Variants in NECTIN3 observed in about 807,000 individuals in gnomAD.
The protein encoded by NECTIN3 is nectin cell adhesion molecule 3.
NECTIN3 carries 8 observed loss-of-function variants against 49.4 expected under a neutral mutation model. That is an observed-to-expected ratio of 0.16 (90% CI 0.10 to 0.29). NECTIN3 has a LOEUF of 0.29. NECTIN3 is among the 10% of genes least tolerant of loss of function. The pLI, the probability that NECTIN3 is intolerant of heterozygous loss-of-function variation, is 1.00. For missense variants in NECTIN3, 581 were observed against 654.6 expected (o/e 0.89, Z 1.23); for synonymous variants, 277 against 241.1 (o/e 1.15, Z -1.38).
intron 1 of NECTIN3, among the ~76,000 whole-genome samples, chr3:111,076,930 T>C (rs2031240611): frequency 6.7e-6 from 1 of 149,738 alleles, no homozygotes; most frequent in African/African-American, 2.5e-5. Context: ...GAACTGTGAC[T>C]GCACCATTGT....
chr3:111,141,454 G>T (rs2034742903), downstream of NECTIN3, among the ~76,000 whole-genome samples: 1 of 151,694 alleles, frequency 6.6e-6, no homozygotes, highest in South Asian at 2.1e-4. Context: ...GTTTTTGAAT[G>T]ATAAAAATAC....
At position 111,136,146 on chromosome 3, in the gene NECTIN3, T is replaced by C; in HGVS notation, c.*1931T>C. 1.0e-6 allele frequency: 1 copy of C among 982,802 alleles called. No individual in the cohort carries two copies. Among genetic ancestry groups the C allele is most frequent in the Non-Finnish European group, 1.2e-6 (1 of 827,728 alleles). 60.9% of individuals were successfully genotyped at this position (982,802 alleles called of 1,614,324 possible). On this transcript the variant is annotated 3_prime_UTR_variant, in exon 6 of 6. Coordinates refer to ENST00000485303, the MANE Select transcript of NECTIN3 (RefSeq NM_015480.3). ...TGAAAGATGTAAAACTATGGCTTTT[T>C]TTAAAATCAAAATTTCATCTTTTAA...
Position 111,118,927 on chromosome 3 carries a change from A to G in NECTIN3, c.774A>G (p.Arg258=). ...VKHPALEKDI[R]YSFILDIQYA... is the part of the protein sequence containing the mutation. Reference sequence around the variant, plus strand: ...ATCCAGCCTTGGAAAAGGACATCCGATACTCTTTCATATTAGACATACAGT... The same window carrying G: ...ATCCAGCCTTGGAAAAGGACATCCGGTACTCTTTCATATTAGACATACAGT... The change falls in exon 3 of 6, where the codon CGA becomes CGG. Residue 258 remains arginine, a synonymous_variant. Coordinates refer to ENST00000485303, the MANE Select transcript of NECTIN3 (RefSeq NM_015480.3). 1.2e-6 allele frequency: 2 copies of G among 1,613,848 alleles called. No individual in the cohort carries two copies. The highest frequency in any genetic ancestry group is 8.5e-7 in the Non-Finnish European group (1 of 1,179,782).
intron 4 of NECTIN3, among the ~76,000 whole-genome samples, chr3:111,124,690 T>C (rs1383347853): frequency 1.3e-5 from 2 of 152,342 alleles, no homozygotes; most frequent in East Asian, 1.9e-4. Flanking sequence ...TACAGATTAT[T>C]TTACCACTCA....
intron 1 of NECTIN3, among the ~76,000 whole-genome samples, chr3:111,083,317 C>A (rs1422380611): frequency 6.6e-6 from 1 of 152,144 alleles, no homozygotes; most frequent in Non-Finnish European, 1.5e-5. Flanking sequence ...CCCTTCTCCC[C>A]CAAATCCATA....
intron 7 of NECTIN3, among the ~76,000 whole-genome samples, chr3:111,152,410 C>A (rs2035018907): frequency 6.6e-6 from 1 of 151,724 alleles, no homozygotes; most frequent in Admixed American, 6.6e-5. Context: ...TATATGTATA[C>A]CACTTGATTA....
At chr3:111,121,014 T>C (rs1196384238) in intron 3 of NECTIN3, among the ~76,000 whole-genome samples, 4 of 146,856 alleles carry the variant, frequency 2.7e-5, no homozygotes, top group Admixed American at 2.7e-4. Context: ...TTTTTTTTTT[T>C]TTTTTTGAGA....
At position 111,135,530 on chromosome 3, in the gene NECTIN3, T is replaced by C. The variant is rs1239705061; in HGVS notation, c.*1315T>C. On this transcript the variant is annotated 3_prime_UTR_variant, in exon 6 of 6. Transcript: ENST00000485303. ...TCTACAGTGGAGGCTTACAAAATTA[T>C]TGTGACAACTATTTTGAAGCTGAAA... is the stretch of plus-strand genomic sequence containing the variant. 2 of 982,504 alleles carry C rather than the reference T, an allele frequency of 2.0e-6. No homozygotes were observed. Among genetic ancestry groups the C allele is most frequent in the African/African-American group, 3.5e-5 (2 of 57,124 alleles). The allele number at this position is 982,504 out of a possible 1,614,324, so 60.9% of individuals were successfully genotyped here. A position where few individuals can be genotyped will look rare whatever the true frequency, so the allele number is the denominator to read the frequency against.
At chr3:111,145,682 C>G (rs756576552) in intron 6 of NECTIN3, among the ~76,000 whole-genome samples, 2 of 152,134 alleles carry the variant, frequency 1.3e-5, no homozygotes, top group Non-Finnish European at 2.9e-5. Context: ...ATGAATAATG[C>G]TCTTCCTACT....
chr3:111,077,343 G>GAAAAA, intron 1 of NECTIN3: 1 of 29,690 alleles, frequency 3.4e-5, no homozygotes, highest in South Asian at 1.3e-3. Context: ...AACTTTAATG[G>GAAAAA]TAAAAAAAAA....
chr3:111,168,901 A>G (rs1237894283), intron 7 of NECTIN3, among the ~76,000 whole-genome samples: 1 of 152,184 alleles, frequency 6.6e-6, no homozygotes, highest in African/African-American at 2.4e-5. Context: ...TTTATTAAAA[A>G]TCTATATCAT....
intron 7 of NECTIN3, among the ~76,000 whole-genome samples, chr3:111,160,303 T>G (rs527703000): frequency 2.0e-5 from 3 of 152,330 alleles, no homozygotes; most frequent in African/African-American, 7.2e-5. Flanking sequence ...ATATATTCAT[T>G]TTGTTAACCC....
At chr3:111,092,923 T>G (rs997665821) in intron 1 of NECTIN3, among the ~76,000 whole-genome samples, 1 of 152,344 alleles carries the variant, frequency 6.6e-6, no homozygotes, top group African/African-American at 2.4e-5. Context: ...CAGTATTAAC[T>G]GTTGATACAT....
chr3:111,193,555 G>T, intron 1 of NECTIN3: 2 of 685,400 alleles, frequency 2.9e-6, no homozygotes, highest in Admixed American at 6.0e-5. Flanking sequence ...TTCATTAAGC[G>T]TTTCTTAACC....
intron 5 of NECTIN3, among the ~76,000 whole-genome samples, chr3:111,128,541 G>T (rs1267071034): frequency 6.6e-6 from 1 of 151,956 alleles, no homozygotes; most frequent in Non-Finnish European, 1.5e-5. Flanking sequence ...CAAAACCAAG[G>T]TCTTGATCTT....
chr3:111,120,843 A>G (rs2033919346), intron 3 of NECTIN3, among the ~76,000 whole-genome samples: 1 of 152,000 alleles, frequency 6.6e-6, no homozygotes, highest in South Asian at 2.1e-4. Context: ...TTCTTTTTAT[A>G]TTCTCTCAGC....
intron 5 of NECTIN3, among the ~76,000 whole-genome samples, chr3:111,129,062 C>T (rs1194435349): frequency 6.6e-6 from 1 of 152,212 alleles, no homozygotes; most frequent in Non-Finnish European, 1.5e-5. Context: ...CACTACTGGA[C>T]TCCTTGCTGT....
intron 3 of NECTIN3, among the ~76,000 whole-genome samples, chr3:111,121,159 C>T (rs2033936015): frequency 6.6e-6 from 1 of 150,850 alleles, no homozygotes; most frequent in Non-Finnish European, 1.5e-5. Flanking sequence ...CCCGCCATCA[C>T]GCCTGGCTAA....
chr3:111,089,976 C>T (rs917662591), intron 1 of NECTIN3, among the ~76,000 whole-genome samples: 2 of 152,042 alleles, frequency 1.3e-5, no homozygotes, highest in African/African-American at 4.8e-5. Flanking sequence ...TGGGACGTGG[C>T]TCTTTTATCA....
Sources: gnomAD v4.1 joint callset for allele counts (sites outside exome capture counted in the v4.1 genomes callset) on GRCh38, gnomAD v4.1.1 for gene constraint, MANE v1.5 for transcripts, NCBI Gene and HGNC (gene_info 2026-07-23, HGNC 2026-07-21) for gene names.